Variants in CSMD3 observed in about 807,000 individuals in gnomAD.
CSMD3 encodes the protein CUB and Sushi multiple domains 3, also known as CUB and sushi domain-containing protein 3.
CSMD3 carries 177 observed loss-of-function variants against 435.2 expected under a neutral mutation model. That is an observed-to-expected ratio of 0.41 (90% confidence interval 0.36 to 0.46). CSMD3 has a LOEUF of 0.46. Among genes scored for constraint, CSMD3 ranks in the 20% least tolerant of loss-of-function variants. The pLI, the probability that CSMD3 is intolerant of heterozygous loss-of-function variation, is 0.34. For missense variants in CSMD3, 4,265 were observed against 4,504.6 expected, an observed-to-expected ratio of 0.95 and a Z score of 1.52; for synonymous variants, 1,656 against 1,520.5, an observed-to-expected ratio of 1.09 and a Z score of -2.07.
Position 112,406,599 on chromosome 8 carries a change from C to G in CSMD3, c.5734G>C (p.Gly1912Arg), listed in dbSNP as rs2130024347. ...FDCNPGYILH[G>R]SIAIRCETVP... ...GTTTCACACCTAATTGCTATGGATC[C>G]ATGGAGAATATATCCTGGATTACAA... The change falls in exon 35 of 71, where the codon GGA (glycine) becomes CGA (arginine). Residue 1912 changes from glycine (G) to arginine (R), a missense_variant. Gly to Arg is a moderately radical substitution (Grantham distance 125). Around this residue, in one of 3 missense-constraint regions of CSMD3, gnomAD observed 3,255 missense variants for 3,380.2 expected, o/e 0.96. Coordinates refer to ENST00000297405, the MANE Select transcript of CSMD3 (RefSeq NM_198123.2). The G allele has an allele frequency of 6.2e-7, 1 of 1,612,878 alleles. No homozygotes were observed. Among genetic ancestry groups the G allele is most frequent in the Non-Finnish European group, 8.5e-7 (1 of 1,179,150 alleles).
In CSMD3 at chr8:113,061,611, T is replaced by C. The variant is rs73351688; in HGVS notation, c.917+37145A>G. Among the ~76,000 whole-genome samples the C allele has an allele frequency of 9.9e-3, 1,511 of 152,236 alleles. 36 individuals are homozygous for C. Among genetic ancestry groups the C allele is most frequent in the African/African-American group, 0.035 (1,437 of 41,568 alleles). ...ATAGACTTTTGTCATTAAACTGTTT[T>C]GATTTACAGATGGTTTAGGTACCCA... On this transcript the variant is annotated intron_variant, in intron 5 of 70. Transcript: ENST00000297405.
intron 25 of CSMD3, among the ~76,000 whole-genome samples, 175 bp from the exon 26 acceptor site, chr8:112,552,895 A>T (rs955380137): frequency 2.6e-5 from 4 of 152,148 alleles, no homozygotes; most frequent in Admixed American, 1.3e-4. Flanking sequence ...ACAATCAAAT[A>T]ATAGAGTCTC....
At chr8:112,494,118 C>T (rs1233359552) in intron 30 of CSMD3, among the ~76,000 whole-genome samples, 1 of 152,000 alleles carries the variant, frequency 6.6e-6, no homozygotes. Flanking sequence ...TGTACTTTAG[C>T]ATTTTTAAGA....
At chr8:113,014,800 C>T (rs1237862797) in intron 6 of CSMD3, among the ~76,000 whole-genome samples, 6 of 151,948 alleles carry the variant, frequency 3.9e-5, no homozygotes, top group African/African-American at 1.4e-4. Context: ...TACTCTGTGT[C>T]TGTATGTGTG....
chr8:112,812,936 A>G (rs1488396942), intron 12 of CSMD3, among the ~76,000 whole-genome samples: 3 of 152,238 alleles, frequency 2.0e-5, no homozygotes, highest in African/African-American at 7.2e-5. Flanking sequence ...CCTTGTGCAG[A>G]TGAAAGGCCT....
intron 21 of CSMD3, 132 bp from the exon 22 acceptor site, chr8:112,637,137 C>T: frequency 4.2e-6 from 3 of 715,502 alleles, no homozygotes; most frequent in Middle Eastern, 2.6e-4. Context: ...ATATGAATAG[C>T]TATCAGAACG....
At chr8:113,206,090 G>T (rs2092767959) in intron 3 of CSMD3, among the ~76,000 whole-genome samples, 1 of 152,134 alleles carries the variant, frequency 6.6e-6, no homozygotes, top group East Asian at 1.9e-4. Context: ...AGTTGTAATG[G>T]ATGGAAACTA....
chr8:113,001,625 G>C (rs2085867574), intron 6 of CSMD3, among the ~76,000 whole-genome samples: 1 of 151,950 alleles, frequency 6.6e-6, no homozygotes, highest in Admixed American at 6.6e-5. Context: ...TCAAATGTAA[G>C]ATTCCTTTCT....
rs976189588 is a variant in CSMD3, at chr8:113,225,152, G to A, written c.515-51236C>T. ...ATTGCAAAGAAAACATGGAAAGGCA[G>A]TGTTGTTACCTAACGTCCTAGGATT... On this transcript the variant is annotated intron_variant, in intron 3 of 70. Transcript: ENST00000297405. 5.9e-5 allele frequency among the ~76,000 whole-genome samples: 9 copies of A among 151,382 alleles called. No individual in the cohort carries two copies. In the Admixed American group the frequency reaches 6.0e-4, roughly 10 times the overall value.
At chr8:112,319,062 TA>T in intron 46 of CSMD3, 112 bp from the exon 47 acceptor site, 1 of 727,256 alleles carries the variant, frequency 1.4e-6, no homozygotes, top group Non-Finnish European at 2.4e-6. Context: ...TCAATCAGTA[TA>T]AAAATGTTAT....
intron 3 of CSMD3, among the ~76,000 whole-genome samples, chr8:113,215,322 T>C (rs534862677): frequency 6.6e-5 from 10 of 151,948 alleles, no homozygotes; most frequent in African/African-American, 2.2e-4. Context: ...TCTTGTCTTA[T>C]GAAAAATACA....
At chr8:112,481,496 T>C (rs1819618283) in intron 31 of CSMD3, among the ~76,000 whole-genome samples, 1 of 152,146 alleles carries the variant, frequency 6.6e-6, no homozygotes, top group East Asian at 1.9e-4. Flanking sequence ...AGTGATGACT[T>C]CTTGCAGGTC....
chr8:113,099,086 T>A, intron 4 of CSMD3, 123 bp from the exon 5 acceptor site: 1 of 704,330 alleles, frequency 1.4e-6, no homozygotes, highest in South Asian at 1.5e-5. Context: ...ACCAAGTGCA[T>A]AATATACTAA....
chr8:113,031,984 T>C (rs947802586), intron 5 of CSMD3, among the ~76,000 whole-genome samples: 1 of 151,658 alleles, frequency 6.6e-6, no homozygotes, highest in African/African-American at 2.4e-5. Flanking sequence ...CCTGCTGCCC[T>C]GTAAGAAAGC....
intron 22 of CSMD3, among the ~76,000 whole-genome samples, chr8:112,636,537 T>G (rs2074663353): frequency 8.7e-6 from 1 of 114,866 alleles, no homozygotes; most frequent in Admixed American, 9.7e-5. Context: ...GTCTATCATA[T>G]TTCTATCTAT....
At chr8:112,664,969 T>C (rs886141063) in intron 17 of CSMD3, among the ~76,000 whole-genome samples, 1 of 152,170 alleles carries the variant, frequency 6.6e-6, no homozygotes, top group Non-Finnish European at 1.5e-5. Flanking sequence ...GTAAACCATG[T>C]AGATTATAAC....
At chr8:113,385,091 C>G (rs1179144481) in intron 1 of CSMD3, among the ~76,000 whole-genome samples, 1 of 152,066 alleles carries the variant, frequency 6.6e-6, no homozygotes, top group African/African-American at 2.4e-5. Flanking sequence ...TTGTTGAACT[C>G]TAATACATAA....
intron 13 of CSMD3, among the ~76,000 whole-genome samples, chr8:112,697,233 A>T (rs1292702350): frequency 6.6e-6 from 1 of 152,192 alleles, no homozygotes; most frequent in Non-Finnish European, 1.5e-5. Flanking sequence ...CTGGGTATAT[A>T]CCCAAAGGAT....
chr8:113,071,560 T>C (rs2089122468), intron 5 of CSMD3, among the ~76,000 whole-genome samples: 1 of 151,810 alleles, frequency 6.6e-6, no homozygotes, highest in African/African-American at 2.4e-5. Context: ...TATCACTTGT[T>C]GAAGAGATAT....
Sources: allele counts gnomAD v4.1 joint callset (sites outside exome capture counted in the v4.1 genomes callset), GRCh38; gene constraint gnomAD v4.1.1; regional missense constraint gnomAD v4.1.1; transcripts MANE v1.5; gene names NCBI Gene and HGNC (gene_info 2026-07-23, HGNC 2026-07-21).